The following VGLL4 variants were observed in gnomAD, a reference collection of about 807,000 sequenced individuals.
The protein encoded by VGLL4 is transcription cofactor vestigial-like protein 4.
Under a neutral mutation model 21.0 loss-of-function variants are expected in VGLL4, and 7 were observed. The ratio of observed to expected loss-of-function variants is 0.33; its 90% CI spans 0.19 to 0.63. The LOEUF is 0.63. Among genes scored for constraint, VGLL4 ranks in the 20% least tolerant of loss-of-function variants. VGLL4 has a pLI of 0.78. For synonymous variants in VGLL4, 222 were observed against 173.2 expected (o/e 1.28, Z -2.21); for missense variants, 394 against 425.7 (o/e 0.93, Z 0.66).
At chr3:11,599,254 C>T (rs1011332989) in intron 2 of VGLL4, among the ~76,000 whole-genome samples, 3 of 151,962 alleles carry the variant, frequency 2.0e-5, no homozygotes, top group Non-Finnish European at 4.4e-5. Context: ...TTACACTGTA[C>T]ACTTAAGAAA....
In VGLL4 at chr3:11,564,875, G is replaced by A. The variant is rs148854340; in HGVS notation, c.417C>T (p.Leu139=). 4.3e-3 allele frequency: 6,985 copies of A among 1,609,376 alleles called. 34 individuals carry two copies. The highest frequency in any genetic ancestry group is 9.3e-3 in the South Asian group (843 of 90,628). Reference sequence around the variant, plus strand: ...CGTCCAGGCTGTTCTTGGTCAGTGCGAGGGGCTGCTCCAGGCCAAGGCTGG... The same window carrying A: ...CGTCCAGGCTGTTCTTGGTCAGTGCAAGGGGCTGCTCCAGGCCAAGGCTGG... ...SLPSLGLEQP[L]ALTKNSLDAS... The change falls in exon 3 of 5, where the codon CTC becomes CTT. Residue 139 remains leucine (L), a synonymous_variant. Coordinates refer to ENST00000430365, the MANE Select transcript of VGLL4 (RefSeq NM_001128219.3).
At chr3:11,704,521 G>C (rs960407129) in intron 1 of VGLL4, among the ~76,000 whole-genome samples, 5 of 150,628 alleles carry the variant, frequency 3.3e-5, no homozygotes, top group African/African-American at 1.2e-4. Flanking sequence ...ACAAAGCCCA[G>C]TAGCTGCCTT....
At chr3:11,612,422 T>C (rs557056728) in intron 1 of VGLL4, among the ~76,000 whole-genome samples, 1 of 152,244 alleles carries the variant, frequency 6.6e-6, no homozygotes, top group Non-Finnish European at 1.5e-5. Flanking sequence ...AACTCAGGTA[T>C]GTAACACAAC....
chr3:11,597,431 AAC>A (rs1468398509), intron 2 of VGLL4, among the ~76,000 whole-genome samples: 1 of 152,178 alleles, frequency 6.6e-6, no homozygotes, highest in African/African-American at 2.4e-5. Flanking sequence ...GAACCAACCC[AAC>A]AGTGTCATGG....
intron 2 of VGLL4, among the ~76,000 whole-genome samples, chr3:11,649,950 G>A (rs907373475): frequency 7.8e-6 from 1 of 128,762 alleles, no homozygotes; most frequent in Non-Finnish European, 1.7e-5. Flanking sequence ...GTTTGGTTTG[G>A]TTTTTTTGAA....
chr3:11,663,446 C>A (rs188368652), intron 2 of VGLL4, among the ~76,000 whole-genome samples: 2 of 152,314 alleles, frequency 1.3e-5, no homozygotes, highest in East Asian at 3.9e-4. Context: ...AGGCAAGGCG[C>A]GGTGGCTCAC....
At chr3:11,714,122 T>C (rs528061834) in intron 1 of VGLL4, among the ~76,000 whole-genome samples, 1 of 152,340 alleles carries the variant, frequency 6.6e-6, no homozygotes, top group Admixed American at 6.5e-5. Context: ...GTTGATCATG[T>C]ACCCGGTGAG....
chr3:11,700,057 T>C (rs551258417), intron 2 of VGLL4, among the ~76,000 whole-genome samples: 5 of 152,298 alleles, frequency 3.3e-5, no homozygotes, highest in African/African-American at 1.2e-4. Context: ...TCCCCACTTC[T>C]ATACATTTTA....
chr3:11,658,035 G>A (rs1300286172), intron 2 of VGLL4, among the ~76,000 whole-genome samples: 2 of 144,314 alleles, frequency 1.4e-5, no homozygotes, highest in South Asian at 2.2e-4. Context: ...TAAAAAAGGC[G>A]ATCCTCCAAC....
intron 2 of VGLL4, among the ~76,000 whole-genome samples, chr3:11,569,856 G>A (rs1290008765): frequency 6.6e-6 from 1 of 152,190 alleles, no homozygotes; most frequent in Non-Finnish European, 1.5e-5. Flanking sequence ...ACTTTAGCCT[G>A]GGTGACAGAG....
chr3:11,559,411 G>C lies in VGLL4; in HGVS notation c.540C>G (p.Asn180Lys), dbSNP rs748637911. Residue 180 changes from asparagine (N) to lysine (K), a missense_variant, in exon 4 of 5, where the codon AAC (asparagine) becomes AAG (lysine). Transcript: ENST00000430365. Reference protein sequence around the residue: ...VITCASAGARNCNLSHCPIAH... With the variant: ...VITCASAGARKCNLSHCPIAH... ...CGATGGGGCAGTGCGAGAGGTTGCA[G>C]TTGCGGGCGCCAGCCGAGGCACAGG... 6.4e-7 allele frequency: 1 copy of C among 1,563,400 alleles called. No homozygotes were observed. Among genetic ancestry groups the C allele is most frequent in the Non-Finnish European group, 8.7e-7 (1 of 1,154,990 alleles).
At chr3:11,701,037 G>C (rs910305778) in intron 2 of VGLL4, among the ~76,000 whole-genome samples, 1 of 152,048 alleles carries the variant, frequency 6.6e-6, no homozygotes, top group Admixed American at 6.6e-5. Context: ...GATCTTGTAG[G>C]GGTGGTGGCA....
intron 1 of VGLL4, among the ~76,000 whole-genome samples, chr3:11,613,484 A>G (rs1044115347): frequency 1.2e-4 from 19 of 152,128 alleles, no homozygotes. Flanking sequence ...CCCTGCCCAC[A>G]GGCTGCCTAA....
chr3:11,569,021 T>C lies in VGLL4; in HGVS notation c.273-4002A>G, dbSNP rs1479874204. The C allele has an allele frequency of 1.4e-5, 12 of 855,022 alleles. No homozygotes were observed. In the Admixed American group the frequency reaches 1.6e-4, roughly 11 times the overall value. 53.0% of individuals were successfully genotyped at this position (855,022 alleles called of 1,614,324 possible). On this transcript the variant is annotated intron_variant, in intron 2 of 4. Coordinates refer to ENST00000430365, the MANE Select transcript of VGLL4 (RefSeq NM_001128219.3). ...ATCCAGGACAGAGCTTTCTGAGTAC[T>C]GAAAGCCACACGCTCTCTAAGCTAA...
intron 2 of VGLL4, among the ~76,000 whole-genome samples, chr3:11,666,080 C>T (rs1162285935): frequency 2.0e-5 from 3 of 152,034 alleles, no homozygotes; most frequent in African/African-American, 7.2e-5. Context: ...GAAACCCCGT[C>T]TCTACTAAAA....
At chr3:11,581,573 C>A (rs560510928) in intron 2 of VGLL4, among the ~76,000 whole-genome samples, 26 of 152,252 alleles carry the variant, frequency 1.7e-4, no homozygotes, top group African/African-American at 5.8e-4. Context: ...TGTGGAATGA[C>A]CGTACAAGTT....
chr3:11,620,618 C>G (rs975903330), intron 1 of VGLL4, among the ~76,000 whole-genome samples: 8 of 152,204 alleles, frequency 5.3e-5, no homozygotes, highest in Non-Finnish European at 1.0e-4. Flanking sequence ...TACTGAGCCA[C>G]GCTAAATAAA....
intron 3 of VGLL4, among the ~76,000 whole-genome samples, chr3:11,563,276 A>G (rs894828246): frequency 6.6e-6 from 1 of 152,172 alleles, no homozygotes; most frequent in African/African-American, 2.4e-5. Context: ...GGACTCCCCA[A>G]CAGCAGTGGC....
intron 2 of VGLL4, among the ~76,000 whole-genome samples, chr3:11,693,629 G>A (rs2076563986): frequency 1.3e-5 from 2 of 152,106 alleles, no homozygotes; most frequent in Admixed American, 1.3e-4. Flanking sequence ...GTTAGCTGAG[G>A]TACTTACTGG....
Sources: gnomAD v4.1 joint callset for allele counts (sites outside exome capture counted in the v4.1 genomes callset) on GRCh38, gnomAD v4.1.1 for gene constraint, MANE v1.5 for transcripts, NCBI Gene and HGNC (gene_info 2026-07-23, HGNC 2026-07-21) for gene names.